The following PFN1 variants were observed in gnomAD, a reference collection of about 807,000 sequenced individuals.
PFN1 encodes the protein profilin-1.
Under a neutral mutation model 11.7 loss-of-function variants are expected in PFN1, and 2 were observed. The ratio of observed to expected loss-of-function variants is 0.17; its 90% confidence interval spans 0.07 to 0.54. The LOEUF (loss-of-function observed/expected upper bound fraction) is 0.54, where lower values mean the gene tolerates loss of function less well. Ranked by LOEUF, PFN1 falls within the 20% of genes least tolerant of loss-of-function variation. The pLI is 0.94. For synonymous variants in PFN1, 78 were observed against 76.2 expected (o/e 1.02, Z -0.12); for missense variants, 97 against 188.4 (o/e 0.51, Z 2.84).
intron 2 of PFN1, among the ~76,000 whole-genome samples, 158 bp from the exon 3 acceptor site, chr17:4,946,155 T>A (rs1176868325): frequency 2.7e-5 from 3 of 109,800 alleles, no homozygotes; most frequent in Non-Finnish European, 5.0e-5. Context: ...TCAGTCACCC[T>A]GAAACAATAA....
At position 4,945,920 on chromosome 17, in the gene PFN1, G is replaced by A; in HGVS notation, c.403C>T (p.Leu135Phe). 6.2e-7 allele frequency: 1 copy of A among 1,609,074 alleles called. No homozygotes were observed. The highest frequency in any genetic ancestry group is 8.5e-7 in the Non-Finnish European group (1 of 1,175,342). Residue 135 changes from leucine (L) to phenylalanine (F), a missense_variant, in exon 3 of 3, where the codon CTT (leucine) becomes TTT (phenylalanine). Physicochemically the swap from Leu to Phe is conservative, Grantham distance 22 (BLOSUM62 0). Transcript: ENST00000225655. ...CGAGGTCAGTACTGGGAACGCCGAA[G>A]GTGGGAGGCCATTTCATAACATTTC... ...NKKCYEMASH[L>F]RRSQY
intron 1 of PFN1, among the ~76,000 whole-genome samples, chr17:4,947,906 T>A (rs1297833349): frequency 6.6e-6 from 1 of 151,958 alleles, no homozygotes; most frequent in Non-Finnish European, 1.5e-5. Flanking sequence ...GATCCCCGGG[T>A]CCCCTCTCAA....
chr17:4,945,873 GCGGTGA>G lies in PFN1; in HGVS notation c.*21_*26del. 3 of 1,380,498 alleles carry G rather than the reference GCGGTGA, an allele frequency of 2.2e-6. No homozygotes were observed. Among genetic ancestry groups the G allele is most frequent in the Non-Finnish European group, 3.1e-6 (3 of 967,472 alleles). 85.5% of individuals were successfully genotyped at this position (1,380,498 alleles called of 1,614,324 possible). ...GGAAAGGGGTGCAAAGCTGTGGGGAGCGGTGAAGGGGAAGGGACAGACGAGGTCAGT... is the reference window on the plus strand; with the variant it reads ...GGAAAGGGGTGCAAAGCTGTGGGGAGAGGGGAAGGGACAGACGAGGTCAGT... On this transcript the variant is annotated 3_prime_UTR_variant, in exon 3 of 3. Coordinates refer to ENST00000225655, the MANE Select transcript of PFN1 (RefSeq NM_005022.4).
In PFN1 at chr17:4,945,677, G is replaced by GAAA; in HGVS notation, c.*220_*222dup. 1.4e-5 allele frequency: 6 copies of GAAA among 420,090 alleles called. No homozygotes were observed. The highest frequency in any genetic ancestry group is 3.9e-5 in the East Asian group (1 of 25,444). 26.0% of individuals were successfully genotyped at this position (420,090 alleles called of 1,614,324 possible). On this transcript the variant is annotated 3_prime_UTR_variant, in exon 3 of 3. Coordinates refer to ENST00000225655, the MANE Select transcript of PFN1 (RefSeq NM_005022.4). ...TTGTTAGTAGAATCTTTTTTATTCA[G>GAAA]AAAAAAAAAACCCCAAAAAACAAAA...
intron 1 of PFN1, chr17:4,947,177 GC>G (rs1971417133): frequency 7.7e-6 from 1 of 130,544 alleles, no homozygotes; most frequent in Non-Finnish European, 1.6e-5. Flanking sequence ...TTCAGGAAAA[GC>G]AGAAGCGGAG....
chr17:4,948,419 G>C lies in PFN1; in HGVS notation c.-25C>G. The C allele has an allele frequency of 1.9e-6, 3 of 1,580,484 alleles. No homozygotes were observed. The highest frequency in any genetic ancestry group is 2.6e-6 in the Non-Finnish European group (3 of 1,168,026). ...TGGCGCTGCTACTGGGGCTGCTCTC[G>C]GCGCTGCTGCTGGGGCCGCGGACTG... On this transcript the variant is annotated 5_prime_UTR_variant, in exon 1 of 3. Transcript: ENST00000225655.
Position 4,946,647 on chromosome 17 carries a change from A to G in PFN1, c.306T>C (p.Thr102=). The change falls in exon 2 of 3, where the codon ACT becomes ACC. Residue 102 remains threonine, a synonymous_variant. Transcript: ENST00000225655. ...ACTCACTCTTGTCAGTCTTGGTGAC[A>G]GTGACATTGAAGGTGGGGGCCCCAC... ...STGGAPTFNV[T]VTKTDKTLVL... The G allele has an allele frequency of 2.5e-6, 4 of 1,612,758 alleles. No individual in the cohort carries two copies. Among genetic ancestry groups the G allele is most frequent in the Non-Finnish European group, 3.4e-6 (4 of 1,179,202 alleles).
intron 1 of PFN1, among the ~76,000 whole-genome samples, chr17:4,947,732 G>T (rs1049012793): frequency 1.7e-4 from 26 of 152,180 alleles, no homozygotes; most frequent in Non-Finnish European, 2.9e-4. Flanking sequence ...AGCTGGGGGG[G>T]CGTGTGGTGG....
Position 4,946,638 on chromosome 17 carries a change from C to T in PFN1, c.315G>A (p.Lys105=), listed in dbSNP as rs1359571225. ...GACTCAGGAACTCACTCTTGTCAGT[C>T]TTGGTGACAGTGACATTGAAGGTGG... ...GAPTFNVTVT[K]TDKTLVLLMG... is the part of the protein sequence containing the mutation. The change falls in exon 2 of 3, where the codon AAG becomes AAA. Residue 105 remains lysine, a synonymous_variant. Coordinates refer to ENST00000225655, the MANE Select transcript of PFN1 (RefSeq NM_005022.4). 6.2e-7 allele frequency: 1 copy of T among 1,611,518 alleles called. No individual in the cohort carries two copies. Among genetic ancestry groups the T allele is most frequent in the Non-Finnish European group, 8.5e-7 (1 of 1,178,590 alleles).
intron 1 of PFN1, 110 bp from the exon 2 acceptor site, chr17:4,946,930 G>A (rs889371068): frequency 1.6e-5 from 14 of 889,396 alleles, no homozygotes; most frequent in Non-Finnish European, 2.1e-5. Flanking sequence ...CGCCGTGGGG[G>A]CTAAGTATAA....
At chr17:4,947,775 A>G (rs1971436874) in intron 1 of PFN1, among the ~76,000 whole-genome samples, 1 of 152,090 alleles carries the variant, frequency 6.6e-6, no homozygotes, top group African/African-American at 2.4e-5. Flanking sequence ...AGGAGGGGCC[A>G]GAAGCCCACA....
At chr17:4,946,862 C>T in intron 1 of PFN1, 42 bp from the exon 2 acceptor site, 1 of 1,554,358 alleles carries the variant, frequency 6.4e-7, no homozygotes, top group Non-Finnish European at 8.7e-7. Context: ...GTCAGTGCAC[C>T]AAGATTCCCA....
chr17:4,947,788 G>A (rs1372330204), intron 1 of PFN1, among the ~76,000 whole-genome samples: 2 of 152,148 alleles, frequency 1.3e-5, no homozygotes, highest in Non-Finnish European at 2.9e-5. Flanking sequence ...AGCCCACAGA[G>A]GGTGGGCAAG....
Position 4,945,655 on chromosome 17 carries a change from TTAG to T in PFN1, c.*242_*244del, listed in dbSNP as rs1401047394. 3.0e-5 allele frequency: 12 copies of T among 400,228 alleles called. No individual in the cohort carries two copies. Among genetic ancestry groups the T allele is most frequent in the Non-Finnish European group, 4.1e-5 (9 of 219,010 alleles). The allele number at this position is 400,228 out of a possible 1,614,324, so 24.8% of individuals were successfully genotyped here. On this transcript the variant is annotated 3_prime_UTR_variant, in exon 3 of 3. Transcript: ENST00000225655. The stretch of plus-strand genomic sequence containing the variant: ...CAAGCTCAAATCACACAGCACCTTG[TTAG>T]TAGAATCTTTTTTATTCAGAAAAAA...
At position 4,945,677 on chromosome 17, in the gene PFN1, G is replaced by GAAAA; in HGVS notation, c.*219_*222dup. On this transcript the variant is annotated 3_prime_UTR_variant, in exon 3 of 3. Coordinates refer to ENST00000225655, the MANE Select transcript of PFN1 (RefSeq NM_005022.4). ...TTGTTAGTAGAATCTTTTTTATTCA[G>GAAAA]AAAAAAAAAACCCCAAAAAACAAAA... The GAAAA allele has an allele frequency of 2.4e-6, 1 of 420,114 alleles. No individual in the cohort carries two copies. The highest frequency in any genetic ancestry group is 4.3e-6 in the Non-Finnish European group (1 of 231,512). 26.0% of individuals were successfully genotyped at this position (420,114 alleles called of 1,614,324 possible).
rs1971406148 is a variant in PFN1 at position 4,946,764 on chromosome 17, C to G, written c.189G>C (p.Gly63=). ...AACATTTCTGGCCCCCAAGTGTCAG[C>G]CCATTCACGTAAAAACTTGACCGGT... The part of the protein sequence containing the change: ...GKDRSSFYVN[G]LTLGGQKCSV... Residue 63 remains glycine, a synonymous_variant, in exon 2 of 3, where the codon GGG becomes GGC. Coordinates refer to ENST00000225655, the MANE Select transcript of PFN1 (RefSeq NM_005022.4). 1 of 1,613,900 alleles carries G rather than the reference C, an allele frequency of 6.2e-7. No individual in the cohort carries two copies. Among genetic ancestry groups the G allele is most frequent in the African/African-American group, 1.3e-5 (1 of 74,918 alleles).
At chr17:4,947,728 G>A (rs899562940) in intron 1 of PFN1, among the ~76,000 whole-genome samples, 22 of 152,198 alleles carry the variant, frequency 1.4e-4, no homozygotes, top group African/African-American at 4.8e-4. Context: ...GCTGAGCTGG[G>A]GGGGCGTGTG....
At chr17:4,946,127 C>CCA in intron 2 of PFN1, 130 bp from the exon 3 acceptor site, 1 of 649,478 alleles carries the variant, frequency 1.5e-6, no homozygotes, top group Middle Eastern at 2.6e-4. Context: ...CGCCCCCCCA[C>CCA]CACACACAGG....
Position 4,945,960 on chromosome 17 carries a change from A to G in PFN1, c.363T>C (p.Gly121=). The change falls in exon 3 of 3, where the codon GGT becomes GGC. Residue 121 remains glycine (G), a synonymous_variant. Coordinates refer to ENST00000225655, the MANE Select transcript of PFN1 (RefSeq NM_005022.4). ...VLLMGKEGVH[G]GLINKKCYEM... is the part of the protein sequence containing the mutation. Reference sequence around the variant, plus strand: ...CATAACATTTCTTGTTGATCAAACCACCGTGGACACCTTCTTTGCCCATCA... The same window carrying G: ...CATAACATTTCTTGTTGATCAAACCGCCGTGGACACCTTCTTTGCCCATCA... The G allele has an allele frequency of 6.2e-7, 1 of 1,613,676 alleles. No homozygotes were observed. Among genetic ancestry groups the G allele is most frequent in the Non-Finnish European group, 8.5e-7 (1 of 1,179,586 alleles).
Sources: gnomAD v4.1 joint callset for allele counts (sites outside exome capture counted in the v4.1 genomes callset) on GRCh38, gnomAD v4.1.1 for gene constraint, MANE v1.5 for transcripts, NCBI Gene and HGNC (gene_info 2026-07-23, HGNC 2026-07-21) for gene names.